Variants in SLMAP observed in about 807,000 individuals in gnomAD.
SLMAP encodes the protein sarcolemmal membrane-associated protein.
A neutral mutation model predicts 128.8 loss-of-function variants in SLMAP; 44 were observed. That is an observed-to-expected ratio of 0.34 (90% CI 0.27 to 0.44). SLMAP has a LOEUF of 0.44. SLMAP is among the 20% of genes least tolerant of loss of function. The pLI, the probability that SLMAP is intolerant of heterozygous loss-of-function variation, is 1.00. For synonymous variants in SLMAP, 327 were observed against 348.8 expected (o/e 0.94, Z 0.70); for missense variants, 787 against 985.3 (o/e 0.80, Z 2.69).
chr3:57,845,779 T>G (rs542759501), intron 4 of SLMAP, among the ~76,000 whole-genome samples: 4 of 152,284 alleles, frequency 2.6e-5, no homozygotes, highest in Admixed American at 2.0e-4. Flanking sequence ...TAAGCTTTTA[T>G]TCATATGAAT....
At chr3:57,909,395 G>A (rs780881396) in intron 19 of SLMAP, among the ~76,000 whole-genome samples, 1 of 151,636 alleles carries the variant, frequency 6.6e-6, no homozygotes. Flanking sequence ...CCAGCTTCTC[G>A]GGAGGCTGAG....
chr3:57,823,142 C>G (rs2092655902), intron 2 of SLMAP, among the ~76,000 whole-genome samples: 1 of 152,130 alleles, frequency 6.6e-6, no homozygotes, highest in African/African-American at 2.4e-5. Flanking sequence ...CAGAAACCAT[C>G]CTTGGGGAAA....
intron 14 of SLMAP, among the ~76,000 whole-genome samples, chr3:57,880,212 T>TTGTTTTGTTC (rs2095702029): frequency 6.9e-6 from 1 of 144,016 alleles, no homozygotes; most frequent in Non-Finnish European, 1.5e-5. Context: ...TTGTTTTGTT[T>TTGTTTTGTTC]TGTTCTTGAG....
At position 57,890,062 on chromosome 3, in the gene SLMAP, A is replaced by G. The variant is rs2096017234; in HGVS notation, c.1322A>G (p.His441Arg). 6.2e-7 allele frequency: 1 copy of G among 1,613,898 alleles called. No homozygotes were observed. Among genetic ancestry groups the G allele is most frequent in the South Asian group, 1.1e-5 (1 of 91,076 alleles). The change falls in exon 15 of 25, where the codon CAT becomes CGT. Residue 441 changes from histidine (H) to arginine (R), a missense_variant. His to Arg is a conservative substitution (Grantham distance 29). Around this residue, in one of 2 missense-constraint regions of SLMAP, gnomAD observed 715 missense variants for 843.6 expected, o/e 0.85. Coordinates refer to ENST00000671191, the MANE Select transcript of SLMAP (RefSeq NM_001377540.1). The part of the protein sequence containing the change: ...ECQKKLIVEG[H>R]LTKAVEETKL... Reference sequence around the variant, plus strand: ...GCAGAGAAGCTGATCGTCGAAGGGCATCTAACCAAAGCGGTAGAAGAAACA... The same window carrying G: ...GCAGAGAAGCTGATCGTCGAAGGGCGTCTAACCAAAGCGGTAGAAGAAACA...
chr3:57,885,511 C>A (rs1479053569), intron 14 of SLMAP, among the ~76,000 whole-genome samples: 1 of 149,282 alleles, frequency 6.7e-6, no homozygotes, highest in Non-Finnish European at 1.5e-5. Flanking sequence ...CCTCCACCAC[C>A]CGGGTTCAAG....
intron 20 of SLMAP, 25 bp downstream of exon 20, chr3:57,912,726 G>A: frequency 6.4e-7 from 1 of 1,553,880 alleles, no homozygotes; most frequent in African/African-American, 1.4e-5. Context: ...TTTACATAAA[G>A]CTGTTAACTT....
intron 2 of SLMAP, among the ~76,000 whole-genome samples, chr3:57,781,729 ATTTTTTT>A (rs748021832): frequency 9.2e-5 from 10 of 109,160 alleles, no homozygotes. Flanking sequence ...ATATTGACTG[ATTTTTTT>A]TTTTTTTTTT....
At chr3:57,787,756 C>T (rs921370014) in intron 2 of SLMAP, among the ~76,000 whole-genome samples, 1 of 152,206 alleles carries the variant, frequency 6.6e-6, no homozygotes, top group East Asian at 1.9e-4. Context: ...AGATTACAGG[C>T]GTGAGCCACC....
chr3:57,762,165 G>A lies in SLMAP; in HGVS notation c.198+4316G>A, dbSNP rs928720061. Among the ~76,000 whole-genome samples, 4 of 151,476 alleles carry A rather than the reference G, an allele frequency of 2.6e-5. No individual in the cohort carries two copies. The South Asian group carries it at 8.3e-4, about 31-fold the overall frequency. On this transcript the variant is annotated intron_variant, in intron 2 of 24. Transcript: ENST00000671191. ...AGACGGATCACGAGGTTAGGAGATC[G>A]AGATCATCCTGGCTAACACGGTGAA...
chr3:57,901,650 A>T (rs536975319), intron 17 of SLMAP: 1 of 152,420 alleles, frequency 6.6e-6, no homozygotes, highest in Non-Finnish European at 1.5e-5. Context: ...ATTCTACAGG[A>T]CATACAACCC....
At chr3:57,906,160 A>G (rs1176240967) in intron 17 of SLMAP, among the ~76,000 whole-genome samples, 3 of 151,244 alleles carry the variant, frequency 2.0e-5, no homozygotes, top group African/African-American at 4.9e-5. Context: ...GCTGTGAGAG[A>G]AGTTTTGTAG....
At chr3:57,783,055 A>G (rs1050540626) in intron 2 of SLMAP, among the ~76,000 whole-genome samples, 1 of 152,230 alleles carries the variant, frequency 6.6e-6, no homozygotes, top group African/African-American at 2.4e-5. Context: ...TAAGACAGAA[A>G]ATTGCTACCA....
At chr3:57,847,279 G>C (rs762902975) in intron 5 of SLMAP, 46 bp downstream of exon 5, 15 of 1,448,360 alleles carry the variant, frequency 1.0e-5, no homozygotes, top group Middle Eastern at 1.8e-4. Context: ...CAGCTATGTT[G>C]CTTTGAAAAT....
At chr3:57,862,410 C>T (rs1035578960) in intron 10 of SLMAP, among the ~76,000 whole-genome samples, 3 of 151,828 alleles carry the variant, frequency 2.0e-5, no homozygotes, top group Non-Finnish European at 2.9e-5. Context: ...GAGGCCGAGG[C>T]GGGCAGATCA....
chr3:57,814,282 T>C (rs1345840989), intron 2 of SLMAP, among the ~76,000 whole-genome samples: 2 of 151,978 alleles, frequency 1.3e-5, no homozygotes, highest in Non-Finnish European at 2.9e-5. Flanking sequence ...TTCAATCACC[T>C]GGGCTCAAGC....
intron 17 of SLMAP, chr3:57,899,468 A>G (rs1475149945): frequency 1.3e-5 from 2 of 152,206 alleles, no homozygotes; most frequent in Non-Finnish European, 2.9e-5. Flanking sequence ...TTTCTGTATG[A>G]TTGCCAACTT....
At position 57,757,450 on chromosome 3, in the gene SLMAP, A is replaced by G. The variant is rs9842549; in HGVS notation, c.-202A>G. On this transcript the variant is annotated 5_prime_UTR_variant, in exon 2 of 25. Coordinates refer to ENST00000671191, the MANE Select transcript of SLMAP (RefSeq NM_001377540.1). ...TGTGATCACGGCGTTGCAGCGTTTTAAAGGAGGTGATGGGGCTTGCGCTGG... is the reference window on the plus strand; with the variant it reads ...TGTGATCACGGCGTTGCAGCGTTTTGAAGGAGGTGATGGGGCTTGCGCTGG... 1.5e-5 allele frequency: 9 copies of G among 600,508 alleles called. No homozygotes were observed. The African/African-American group carries it at 1.7e-4, about 11-fold the overall frequency. 37.2% of individuals were successfully genotyped at this position (600,508 alleles called of 1,614,324 possible).
At chr3:57,762,863 G>T (rs1344535151) in intron 2 of SLMAP, among the ~76,000 whole-genome samples, 2 of 151,802 alleles carry the variant, frequency 1.3e-5, no homozygotes, top group Non-Finnish European at 2.9e-5. Context: ...TTACAGGCAT[G>T]AGCCACCATG....
At chr3:57,924,596 A>G (rs1045658580) in intron 23 of SLMAP, among the ~76,000 whole-genome samples, 1 of 151,914 alleles carries the variant, frequency 6.6e-6, no homozygotes, top group African/African-American at 2.4e-5. Flanking sequence ...TGAACTCCCA[A>G]CCTCAGGTGA....
Sources: allele counts gnomAD v4.1 joint callset (sites outside exome capture counted in the v4.1 genomes callset), GRCh38; gene constraint gnomAD v4.1.1; regional missense constraint gnomAD v4.1.1; transcripts MANE v1.5; gene names NCBI Gene and HGNC (gene_info 2026-07-23, HGNC 2026-07-21).